FECH: variants seen among roughly 807,000 people sequenced by gnomAD.
The protein encoded by FECH is ferrochelatase, mitochondrial.
FECH carries 40 observed loss-of-function variants against 56.9 expected under a neutral mutation model. The ratio of observed to expected loss-of-function variants is 0.70; its 90% CI spans 0.55 to 0.92. FECH has a LOEUF of 0.92. Ranked by LOEUF, FECH falls within the 40% of genes least tolerant of loss-of-function variation. FECH has a pLI of 0.00. For synonymous variants in FECH, 175 were observed against 198.6 expected (o/e 0.88, Z 1.00); for missense variants, 431 against 529.1 (o/e 0.81, Z 1.82).
rs1039414168 is a variant in FECH, at chr18:57,572,952, G to C, written c.314+294C>G. The C allele has an allele frequency of 2.2e-5, 9 of 400,676 alleles. No homozygotes were observed. The Admixed American group carries it at 3.6e-4, about 16-fold the overall frequency. The allele number at this position is 400,676 out of a possible 1,614,324, so 24.8% of individuals were successfully genotyped here. On this transcript the variant is annotated intron_variant, in intron 3 of 10. Transcript: ENST00000262093. ...GTGTTAATCAGCCGTTAAGTGACAA[G>C]TACAAATATATCTTTAAAAATCTTT...
intron 2 of FECH, among the ~76,000 whole-genome samples, chr18:57,579,285 A>ATG (rs1443119070): frequency 1.5e-5 from 1 of 68,350 alleles, no homozygotes; most frequent in Non-Finnish European, 3.6e-5. Flanking sequence ...GTGTGTGTGT[A>ATG]TATATGTGTG....
At chr18:57,562,055 C>G (rs1307668327) in intron 6 of FECH, among the ~76,000 whole-genome samples, 1 of 152,134 alleles carries the variant, frequency 6.6e-6, no homozygotes, top group Non-Finnish European at 1.5e-5. Flanking sequence ...TAAATGACAC[C>G]AGGCTTCTAA....
chr18:57,584,951 C>T lies in FECH; in HGVS notation c.67+1603G>A, dbSNP rs1330746091. Among the ~76,000 whole-genome samples the T allele has an allele frequency of 2.0e-5, 3 of 148,504 alleles. No homozygotes were observed. The Admixed American group carries it at 2.0e-4, about 10-fold the overall frequency. On this transcript the variant is annotated intron_variant, in intron 1 of 10. Coordinates refer to ENST00000262093, the MANE Select transcript of FECH (RefSeq NM_000140.5). ...ACTTGATCCCAGGATTTCAAGGCTG[C>T]AGTGAACTATGATGGCACCACCGTA...
chr18:57,558,463 G>T (rs984335839), intron 7 of FECH, among the ~76,000 whole-genome samples: 1 of 152,170 alleles, frequency 6.6e-6, no homozygotes, highest in Non-Finnish European at 1.5e-5. Flanking sequence ...CAAGTCCTGA[G>T]GACAAAAGCA....
intron 3 of FECH, among the ~76,000 whole-genome samples, chr18:57,572,595 G>GT (rs1232164599): frequency 1.4e-5 from 2 of 142,254 alleles, no homozygotes; most frequent in African/African-American, 2.6e-5. Context: ...AAGTGGGGGG[G>GT]GGGGTGTGCA....
At chr18:57,572,581 A>AACT (rs2051127123) in intron 3 of FECH, among the ~76,000 whole-genome samples, 1 of 56,874 alleles carries the variant, frequency 1.8e-5, no homozygotes, top group African/African-American at 6.0e-5. Flanking sequence ...ACATTTGTGT[A>AACT]ACGAAGTGGG....
chr18:57,559,146 G>A lies in FECH; in HGVS notation c.803C>T (p.Ser268Phe), dbSNP rs2050907331. The change falls in exon 7 of 11, where the codon TCT (serine) becomes TTT (phenylalanine). Residue 268 changes from serine to phenylalanine, a missense_variant and splice_region_variant. Ser to Phe is a radical substitution (Grantham distance 155). Coordinates refer to ENST00000262093, the MANE Select transcript of FECH (RefSeq NM_000140.5). Reference protein sequence around the residue: ...ILFSAHSLPMSVVNRGDPYPQ... With the variant: ...ILFSAHSLPMFVVNRGDPYPQ... ...ATCCCAGAAAATGTTCTTACTTACA[G>A]ACATGGGCAGTGAGTGAGCAGAAAA... 9 of 1,600,228 alleles carry A rather than the reference G, an allele frequency of 5.6e-6. No individual in the cohort carries two copies. The highest frequency in any genetic ancestry group is 7.7e-6 in the Non-Finnish European group (9 of 1,167,808).
At position 57,570,032 on chromosome 18, in the gene FECH, CGTGTGTGTGTGTGT is replaced by C. The variant is rs10608112; in HGVS notation, c.463+1346_463+1359del. ...TTGCTGTTGTTGTTGTTGTTGTTGT[CGTGTGTGTGTGTGT>C]GTGTGTGTGTGTGTGTGTGTGTGTG... On this transcript the variant is annotated intron_variant, in intron 4 of 10. Coordinates refer to ENST00000262093, the MANE Select transcript of FECH (RefSeq NM_000140.5). Among the ~76,000 whole-genome samples, 609 of 122,854 alleles carry C rather than the reference CGTGTGTGTGTGTGT, an allele frequency of 5.0e-3. 3 individuals are homozygous for C. The highest frequency in any genetic ancestry group is 0.014 in the Middle Eastern group (3 of 214). The allele number at this position is 122,854 out of a possible 152,430, so 80.6% of individuals were successfully genotyped here.
intron 1 of FECH, 72 bp downstream of exon 1, chr18:57,586,482 G>T (rs1276802150): frequency 2.7e-5 from 40 of 1,466,218 alleles, no homozygotes; most frequent in Middle Eastern, 2.1e-4. Context: ...GGGCCCGGGC[G>T]CCAGCTGCCC....
chr18:57,565,268 T>G (rs1297543919), intron 5 of FECH, among the ~76,000 whole-genome samples: 4 of 152,226 alleles, frequency 2.6e-5, no homozygotes, highest in Admixed American at 2.6e-4. Context: ...CAGTAACATA[T>G]GACCAGACAT....
At chr18:57,569,999 A>AGTTGTT (rs2051073652) in intron 4 of FECH, among the ~76,000 whole-genome samples, 2 of 138,434 alleles carry the variant, frequency 1.4e-5, no homozygotes, top group Admixed American at 1.5e-4. Flanking sequence ...ATGTCTGACT[A>AGTTGTT]GTTGTTGTTG....
intron 3 of FECH, among the ~76,000 whole-genome samples, chr18:57,572,480 G>A (rs2051124016): frequency 7.5e-6 from 1 of 133,318 alleles, no homozygotes; most frequent in Admixed American, 8.4e-5. Flanking sequence ...GTTAATGGGT[G>A]CAGCACACCA....
intron 7 of FECH, among the ~76,000 whole-genome samples, chr18:57,556,708 C>T (rs919834559): frequency 1.3e-5 from 2 of 151,826 alleles, no homozygotes; most frequent in Admixed American, 6.6e-5. Context: ...CCCAGGAGGT[C>T]GAGACCAGAC....
At position 57,544,896 on chromosome 18, in the gene FECH, T is replaced by A. The variant is rs2050700169; in HGVS notation, c.*5816A>T. Among the ~76,000 whole-genome samples the A allele has an allele frequency of 6.6e-6, 1 of 152,254 alleles. No individual in the cohort carries two copies. Among genetic ancestry groups the A allele is most frequent in the African/African-American group, 2.4e-5 (1 of 41,472 alleles). ...ATAACTTAATTTGAAAGATATTATT[T>A]TAATGATTAACTTGAAATTTTAACA... On this transcript the variant is annotated 3_prime_UTR_variant, in exon 11 of 11. Transcript: ENST00000262093.
chr18:57,560,292 C>T (rs2050926461), intron 6 of FECH, among the ~76,000 whole-genome samples: 1 of 152,204 alleles, frequency 6.6e-6, no homozygotes, highest in South Asian at 2.1e-4. Context: ...AACACAGACA[C>T]ACACACATAC....
chr18:57,563,578 CCCAAAAAAAAA>C (rs1367234509), intron 5 of FECH, among the ~76,000 whole-genome samples: 7 of 10,944 alleles, frequency 6.4e-4, no homozygotes, highest in African/African-American at 2.4e-3. Context: ...GAAACTCCGT[CCCAAAAAAAAA>C]AAAAAAAAAA....
chr18:57,560,896 T>G (rs1204283873), intron 6 of FECH, among the ~76,000 whole-genome samples: 2 of 152,212 alleles, frequency 1.3e-5, no homozygotes, highest in East Asian at 3.8e-4. Flanking sequence ...TGAGATATTA[T>G]TAATCTTTCC....
At chr18:57,563,979 A>G (rs2050983780) in intron 5 of FECH, among the ~76,000 whole-genome samples, 1 of 152,236 alleles carries the variant, frequency 6.6e-6, no homozygotes, top group African/African-American at 2.4e-5. Context: ...CTTGGGTTCA[A>G]GTGATTCTCC....
At position 57,547,689 on chromosome 18, in the gene FECH, G is replaced by C. The variant is rs916543457; in HGVS notation, c.*3023C>G. On this transcript the variant is annotated 3_prime_UTR_variant, in exon 11 of 11. Transcript: ENST00000262093. ...CCTCTGTCACCCAGGCTGGAGTGCAGTGGTGCAATCACACCTCACTGCAAC... is the reference window on the plus strand; with the variant it reads ...CCTCTGTCACCCAGGCTGGAGTGCACTGGTGCAATCACACCTCACTGCAAC... 6.6e-6 allele frequency among the ~76,000 whole-genome samples: 1 copy of C among 152,056 alleles called. No homozygotes were observed. Among genetic ancestry groups the C allele is most frequent in the Non-Finnish European group, 1.5e-5 (1 of 68,016 alleles).
Sources: gnomAD v4.1 joint callset for allele counts (sites outside exome capture counted in the v4.1 genomes callset) on GRCh38, gnomAD v4.1.1 for gene constraint, MANE v1.5 for transcripts, NCBI Gene and HGNC (gene_info 2026-07-23, HGNC 2026-07-21) for gene names.